Variants in ANKRD28 observed in about 807,000 individuals in gnomAD.
ANKRD28 encodes the protein serine/threonine-protein phosphatase 6 regulatory ankyrin repeat subunit A.
A neutral mutation model predicts 126.5 loss-of-function variants in ANKRD28; 44 were observed. The observed-to-expected ratio is 0.35, with a 90% CI of 0.27 to 0.45. The LOEUF is 0.45. Among genes scored for constraint, ANKRD28 ranks in the 20% least tolerant of loss-of-function variants. The probability of loss-of-function intolerance (pLI) is 1.00; values close to 1 mark genes in which losing one functional copy is unlikely to be tolerated. For synonymous variants in ANKRD28, 442 were observed against 468.5 expected (o/e 0.94, Z 0.73); for missense variants, 1,110 against 1,316.6 (o/e 0.84, Z 2.43).
At chr3:15,728,393 A>G (rs1297372624) in intron 6 of ANKRD28, among the ~76,000 whole-genome samples, 2 of 152,182 alleles carry the variant, frequency 1.3e-5, no homozygotes, top group Non-Finnish European at 2.9e-5. Context: ...TCCTAGATTC[A>G]GGTGATCCTC....
chr3:15,808,864 C>G (rs2060645230), intron 1 of ANKRD28, among the ~76,000 whole-genome samples: 1 of 152,166 alleles, frequency 6.6e-6, no homozygotes, highest in Non-Finnish European at 1.5e-5. Context: ...ACAAAATCAT[C>G]ATTATTCTCA....
intron 4 of ANKRD28, among the ~76,000 whole-genome samples, chr3:15,746,741 C>A (rs1446092826): frequency 1.3e-5 from 2 of 151,966 alleles, no homozygotes; most frequent in Non-Finnish European, 2.9e-5. Context: ...GGAAGGATTG[C>A]CTCTTTTGGA....
chr3:15,822,573 T>C (rs1209966730), intron 1 of ANKRD28, among the ~76,000 whole-genome samples: 1 of 152,078 alleles, frequency 6.6e-6, no homozygotes, highest in Non-Finnish European at 1.5e-5. Flanking sequence ...AACTATATCC[T>C]GGTCACAAGA....
At chr3:15,819,107 G>C (rs911754379) in intron 1 of ANKRD28, among the ~76,000 whole-genome samples, 4 of 151,892 alleles carry the variant, frequency 2.6e-5, no homozygotes, top group African/African-American at 9.7e-5. Flanking sequence ...GCAAGACCCT[G>C]TCTCTACAAA....
chr3:15,740,291 G>T (rs923095233), intron 4 of ANKRD28, among the ~76,000 whole-genome samples: 2 of 152,114 alleles, frequency 1.3e-5, no homozygotes, highest in Non-Finnish European at 2.9e-5. Context: ...TATCTTGACT[G>T]GGATAAAGGT....
intron 26 of ANKRD28, 168 bp downstream of exon 26, chr3:15,676,806 C>A: frequency 8.2e-6 from 4 of 490,710 alleles, no homozygotes; most frequent in Admixed American, 3.7e-5. Flanking sequence ...AATAATATGG[C>A]TTTTAGTTGT....
chr3:15,737,100 T>C lies in ANKRD28; in HGVS notation c.485A>G (p.Asn162Ser). Residue 162 changes from asparagine (N) to serine (S), a missense_variant, in exon 5 of 28, where the codon AAT (asparagine) becomes AGT (serine). Transcript: ENST00000683139. ...CCCTGCTCGATCAGATACGTTTACA[T>C]TACTCAGAAGAGGTACCAAAGCTTC... ...CAEALVPLLS[N>S]VNVSDRAGRT... is the part of the protein sequence containing the mutation. 1 of 1,614,014 alleles carries C rather than the reference T, an allele frequency of 6.2e-7. No individual in the cohort carries two copies. Among genetic ancestry groups the C allele is most frequent in the Non-Finnish European group, 8.5e-7 (1 of 1,179,898 alleles).
In ANKRD28 at chr3:15,853,100, C is replaced by A. The variant is rs1361291941; in HGVS notation, c.27+6277G>T. Among the ~76,000 whole-genome samples the A allele has an allele frequency of 6.6e-6, 1 of 152,074 alleles. No individual in the cohort carries two copies. The highest frequency in any genetic ancestry group is 1.5e-5 in the Non-Finnish European group (1 of 68,014). ...AAAATATTTGAAAATTAAACCACTT[C>A]AACTTTACATTGTATACAATATCCC... is the stretch of plus-strand genomic sequence containing the variant. On this transcript the variant is annotated intron_variant, in intron 1 of 27. Transcript: ENST00000399451. The surrounding 1 kb of genome is among the most constrained non-coding windows in gnomAD (Gnocchi z 4.2).
chr3:15,830,538 T>C lies in ANKRD28; in HGVS notation c.27+28839A>G, dbSNP rs1368406384. On this transcript the variant is annotated intron_variant, in intron 1 of 27. Coordinates refer to the ANKRD28 transcript ENST00000399451. This position sits in a 1 kb window ranked among gnomAD's most constrained non-coding sequence, Gnocchi z 4.5. The stretch of plus-strand genomic sequence containing the variant: ...CAACACTCTAACTAATGCCTGATGA[T>C]CTGAGGTGGAACAGTTTCATCTCAA... Among the ~76,000 whole-genome samples, 4 of 152,156 alleles carry C rather than the reference T, an allele frequency of 2.6e-5. No homozygotes were observed. The highest frequency in any genetic ancestry group is 1.3e-4 in the Admixed American group (2 of 15,280).
rs1264681157 is a variant in ANKRD28 at position 15,797,552 on chromosome 3, T to C, written c.-1031A>G. The C allele has an allele frequency of 1.0e-6, 1 of 984,690 alleles. No individual in the cohort carries two copies. The highest frequency in any genetic ancestry group is 1.2e-6 in the Non-Finnish European group (1 of 829,902). 61.0% of individuals were successfully genotyped at this position (984,690 alleles called of 1,614,324 possible). On this transcript the variant is annotated 5_prime_UTR_variant, in exon 1 of 28. Coordinates refer to ENST00000683139, the MANE Select transcript of ANKRD28 (RefSeq NM_001349278.2). ...CAAATTACTGCTTCAGGCTTTTTGT[T>C]TTCTTTAAAAAAAAAAAGGGGGGGG...
intron 12 of ANKRD28, among the ~76,000 whole-genome samples, chr3:15,710,245 A>G (rs1472638266): frequency 6.6e-6 from 1 of 152,186 alleles, no homozygotes; most frequent in Non-Finnish European, 1.5e-5. Flanking sequence ...CTGTTTACAT[A>G]TATGTATCTT....
At chr3:15,701,923 T>C (rs2070689128) in intron 14 of ANKRD28, among the ~76,000 whole-genome samples, 1 of 152,038 alleles carries the variant, frequency 6.6e-6, no homozygotes. Flanking sequence ...GGCAAAAACA[T>C]TTTACCCAAG....
rs141686926 is a variant in ANKRD28 at position 15,823,137 on chromosome 3, G to A, written c.28-27831C>T. Among the ~76,000 whole-genome samples, 40 of 152,290 alleles carry A rather than the reference G, an allele frequency of 2.6e-4. 1 individual carries two copies. Among genetic ancestry groups the A allele is most frequent in the African/African-American group, 9.1e-4 (38 of 41,568 alleles). Reference sequence around the variant, plus strand: ...ACAATTTTTCCATGGAGCGGGGGGCGTTGGGCTGAAATCGTTTCACCTCAA... The same window carrying A: ...ACAATTTTTCCATGGAGCGGGGGGCATTGGGCTGAAATCGTTTCACCTCAA... On this transcript the variant is annotated intron_variant, in intron 1 of 27. Coordinates refer to the ANKRD28 transcript ENST00000399451.
chr3:15,730,214 T>C (rs1164496159), intron 6 of ANKRD28, among the ~76,000 whole-genome samples: 2 of 152,092 alleles, frequency 1.3e-5, no homozygotes, highest in African/African-American at 4.8e-5. Context: ...ATAAAGTAAT[T>C]TGAAGCTAAA....
At chr3:15,713,837 T>G (rs745620889) in intron 9 of ANKRD28, among the ~76,000 whole-genome samples, 196 bp from the exon 10 acceptor site, 2 of 152,212 alleles carry the variant, frequency 1.3e-5, no homozygotes, top group Non-Finnish European at 2.9e-5. Flanking sequence ...TTGTGTGAAT[T>G]AAGCATAAGA....
At chr3:15,709,529 C>T (rs2126043590) in intron 13 of ANKRD28, 139 bp downstream of exon 13, 1 of 536,148 alleles carries the variant, frequency 1.9e-6, no homozygotes, top group African/African-American at 2.0e-5. Context: ...AAGTTACTGA[C>T]TTCAGCTGGG....
chr3:15,783,038 T>C (rs111344618), intron 2 of ANKRD28, among the ~76,000 whole-genome samples: 7 of 152,176 alleles, frequency 4.6e-5, no homozygotes, highest in African/African-American at 1.7e-4. Context: ...ACAGTTTTTT[T>C]TTAAGATACA....
At chr3:15,683,302 T>C (rs1006622410) in intron 21 of ANKRD28, among the ~76,000 whole-genome samples, 12 of 152,228 alleles carry the variant, frequency 7.9e-5, no homozygotes, top group Non-Finnish European at 1.2e-4. Flanking sequence ...CTATATTAGA[T>C]ATTTTGGGTT....
intron 1 of ANKRD28, chr3:15,859,370 C>G: frequency 6.5e-7 from 1 of 1,529,156 alleles, no homozygotes; most frequent in Non-Finnish European, 8.8e-7. Flanking sequence ...TGCAGCCCCT[C>G]ACCTACCTGG....
Sources: gnomAD v4.1 joint callset for allele counts (sites outside exome capture counted in the v4.1 genomes callset) on GRCh38, gnomAD v4.1.1 for gene constraint, Gnocchi (gnomAD v3.1) non-coding constraint, MANE v1.5 for transcripts, NCBI Gene and HGNC (gene_info 2026-07-23, HGNC 2026-07-21) for gene names.